The following PIP5K1B variants were observed in gnomAD, a reference collection of about 807,000 sequenced individuals.
PIP5K1B encodes the protein phosphatidylinositol-4-phosphate 5-kinase type 1 beta.
Under a neutral mutation model 67.0 loss-of-function variants are expected in PIP5K1B, and 42 were observed. That is an observed-to-expected ratio of 0.63 (90% CI 0.49 to 0.81). The LOEUF is 0.81. PIP5K1B is among the 30% of genes least tolerant of loss of function. The pLI, the probability that PIP5K1B is intolerant of heterozygous loss-of-function variation, is 0.00. For synonymous variants in PIP5K1B, 214 were observed against 231.4 expected (o/e 0.92, Z 0.68); for missense variants, 459 against 646.3 (o/e 0.71, Z 3.14).
At chr9:68,812,811 G>T (rs182925503) in intron 2 of PIP5K1B, among the ~76,000 whole-genome samples, 2 of 152,140 alleles carry the variant, frequency 1.3e-5, no homozygotes, top group African/African-American at 4.8e-5. Flanking sequence ...TTTAAGTCAG[G>T]TTATCACATA....
At chr9:68,997,555 C>A (rs1278837220) in intron 15 of PIP5K1B, among the ~76,000 whole-genome samples, 1 of 152,124 alleles carries the variant, frequency 6.6e-6, no homozygotes, top group Non-Finnish European at 1.5e-5. Context: ...AAGCCCCTTT[C>A]CTTCTGCCAG....
At chr9:68,743,906 G>A (rs986171709) in intron 2 of PIP5K1B, among the ~76,000 whole-genome samples, 7 of 152,140 alleles carry the variant, frequency 4.6e-5, no homozygotes, top group African/African-American at 7.2e-5. Flanking sequence ...TGAATGTACC[G>A]GGAATCCTGT....
At chr9:68,910,309 T>C (rs1825793348) in intron 8 of PIP5K1B, among the ~76,000 whole-genome samples, 1 of 152,178 alleles carries the variant, frequency 6.6e-6, no homozygotes, top group Admixed American at 6.5e-5. Context: ...AAAATACCTA[T>C]GGTGTGGGTA....
intron 4 of PIP5K1B, chr9:68,824,062 C>T: frequency 1.9e-6 from 1 of 517,866 alleles, no homozygotes; most frequent in Non-Finnish European, 3.9e-6. Flanking sequence ...GTACATTGGG[C>T]CAGAGGCAAC....
chr9:68,793,754 G>C (rs1050919922), intron 2 of PIP5K1B, among the ~76,000 whole-genome samples: 5 of 152,146 alleles, frequency 3.3e-5, no homozygotes, highest in Non-Finnish European at 7.3e-5. Flanking sequence ...CATCAAGTAA[G>C]CAGTTAGATA....
intron 8 of PIP5K1B, among the ~76,000 whole-genome samples, chr9:68,913,909 T>C (rs76558078): frequency 6.6e-6 from 1 of 152,144 alleles, no homozygotes; most frequent in African/African-American, 2.4e-5. Flanking sequence ...ATCAGGATAG[T>C]GTCTTACTTT....
intron 2 of PIP5K1B, among the ~76,000 whole-genome samples, chr9:68,746,074 C>G (rs1829286844): frequency 7.9e-6 from 1 of 126,276 alleles, no homozygotes. Context: ...TTTGTGTTAA[C>G]TCTTTTTTTT....
At chr9:68,801,861 G>T (rs553560283) in intron 2 of PIP5K1B, among the ~76,000 whole-genome samples, 89 of 152,322 alleles carry the variant, frequency 5.8e-4, no homozygotes, top group African/African-American at 1.6e-3. Context: ...GTTTGCCCCA[G>T]CATATTAGCA....
chr9:68,865,209 A>G (rs1314024515), intron 5 of PIP5K1B, among the ~76,000 whole-genome samples: 1 of 152,124 alleles, frequency 6.6e-6, no homozygotes, highest in Non-Finnish European at 1.5e-5. Context: ...GACAACCGCA[A>G]GGCCCAAGAT....
At chr9:68,892,923 AT>A (rs1238857394) in intron 7 of PIP5K1B, among the ~76,000 whole-genome samples, 6 of 152,044 alleles carry the variant, frequency 3.9e-5, no homozygotes, top group Non-Finnish European at 7.4e-5. Context: ...GAATACAAAA[AT>A]TATCTGGGTG....
chr9:68,872,449 T>C (rs567501616), intron 5 of PIP5K1B, among the ~76,000 whole-genome samples: 1 of 152,352 alleles, frequency 6.6e-6, no homozygotes, highest in Non-Finnish European at 1.5e-5. Context: ...ACAAACCTTC[T>C]GCTGTGGTGC....
chr9:68,721,340 G>A (rs1187879615), intron 1 of PIP5K1B, among the ~76,000 whole-genome samples: 2 of 152,164 alleles, frequency 1.3e-5, no homozygotes, highest in Non-Finnish European at 2.9e-5. Context: ...GTGTGGATAG[G>A]GAAGAGTGAG....
chr9:68,840,603 C>T (rs1209006487), intron 4 of PIP5K1B, among the ~76,000 whole-genome samples: 1 of 152,146 alleles, frequency 6.6e-6, no homozygotes, highest in African/African-American at 2.4e-5. Context: ...GGGCCACTTA[C>T]ATTTCTTGGC....
At chr9:69,005,538 G>A (rs185349544) in intron 15 of PIP5K1B, among the ~76,000 whole-genome samples, 16 of 152,014 alleles carry the variant, frequency 1.1e-4, no homozygotes, top group African/African-American at 3.1e-4. Flanking sequence ...CACCACACGC[G>A]GCTAATTTTG....
At chr9:68,823,569 G>A (rs940976924) in intron 4 of PIP5K1B, among the ~76,000 whole-genome samples, 5 of 152,116 alleles carry the variant, frequency 3.3e-5, no homozygotes, top group African/African-American at 1.2e-4. Context: ...TAACTTACCA[G>A]TCTTTGATAA....
chr9:68,848,631 T>A (rs1306033852), intron 4 of PIP5K1B, among the ~76,000 whole-genome samples: 1 of 152,186 alleles, frequency 6.6e-6, no homozygotes, highest in Non-Finnish European at 1.5e-5. Flanking sequence ...TAAAAAGGAA[T>A]AAACAAGAAC....
chr9:68,779,994 C>A (rs1239106072), intron 2 of PIP5K1B: 1 of 849,112 alleles, frequency 1.2e-6, no homozygotes, highest in Non-Finnish European at 1.7e-6. Context: ...ATTAAGCAGG[C>A]GCCGCGAGTA....
At chr9:68,787,211 G>A (rs142030680) in intron 2 of PIP5K1B, among the ~76,000 whole-genome samples, 28 of 152,290 alleles carry the variant, frequency 1.8e-4, no homozygotes, top group African/African-American at 6.5e-4. Context: ...AAGCATTTTA[G>A]GCAGCCACCA....
chr9:68,723,707 T>G lies in PIP5K1B; in HGVS notation c.-243+17945T>G, dbSNP rs868034513. Among the ~76,000 whole-genome samples the G allele has an allele frequency of 7.4e-4, 110 of 148,766 alleles. 2 individuals are homozygous for G. Among genetic ancestry groups the G allele is most frequent in the Middle Eastern group, 3.4e-3 (1 of 292 alleles). ...ATTGAAGTATTTGGTTTTTTTTTTT[T>G]TTTTTTTTTTGCTATTGAGTTGTTT... On this transcript the variant is annotated intron_variant, in intron 1 of 15. Coordinates refer to ENST00000265382, the MANE Select transcript of PIP5K1B (RefSeq NM_003558.4).
Sources: gnomAD v4.1 joint callset for allele counts (sites outside exome capture counted in the v4.1 genomes callset) on GRCh38, gnomAD v4.1.1 for gene constraint, MANE v1.5 for transcripts, NCBI Gene and HGNC (gene_info 2026-07-23, HGNC 2026-07-21) for gene names.